GYG1: variants seen among roughly 807,000 people sequenced by gnomAD.
The protein encoded by GYG1 is glycogenin-1.
A neutral mutation model predicts 41.9 loss-of-function variants in GYG1; 44 were observed. The ratio of observed to expected loss-of-function variants is 1.05; its 90% confidence interval spans 0.83 to 1.35. The LOEUF (loss-of-function observed/expected upper bound fraction) is 1.35, where lower values mean the gene tolerates loss of function less well. Ranked by LOEUF, GYG1 falls within the 40% of genes most tolerant of loss-of-function variation. GYG1 has a pLI of 0.00. For missense variants in GYG1, 429 were observed against 418.9 expected, an observed-to-expected ratio of 1.02 and a Z score of -0.21; for synonymous variants, 141 against 158.1, an observed-to-expected ratio of 0.89 and a Z score of 0.81.
Position 149,027,776 on chromosome 3 carries a change from A to G in GYG1, c.*843A>G, listed in dbSNP as rs1361427577. On this transcript the variant is annotated 3_prime_UTR_variant, in exon 8 of 8. Transcript: ENST00000345003. ...TGGGATATATGCTTTAAAAACTGGT[A>G]TCTATGATTTCAATCTAATTGTTTT... 1 of 152,220 alleles carries G rather than the reference A, an allele frequency of 6.6e-6. No homozygotes were observed. Among genetic ancestry groups the G allele is most frequent in the Non-Finnish European group, 1.5e-5 (1 of 68,046 alleles). 9.4% of individuals were successfully genotyped at this position (152,220 alleles called of 1,614,324 possible).
At chr3:148,991,779 G>T in intron 1 of GYG1, 132 bp downstream of exon 1, 2 of 745,860 alleles carry the variant, frequency 2.7e-6, no homozygotes, top group Non-Finnish European at 4.2e-6. Context: ...TTGCTGGCTG[G>T]CCGCAGCCGG....
chr3:148,996,243 G>A (rs1291085392), intron 2 of GYG1, 59 bp from the exon 3 acceptor site: 4 of 1,228,120 alleles, frequency 3.3e-6, no homozygotes, highest in Middle Eastern at 2.7e-4. Flanking sequence ...TCTTACAGCA[G>A]ATGGGTCACT....
chr3:148,994,231 AGG>A lies in GYG1; in HGVS notation c.98_99del (p.Arg33LysfsTer23). ...GSSLKQHRTT[R>X]RLVVLATPQV... ...ATCTCTGAAACAGCACAGGACCACC[AGG>A]AGGCTGGTCGTGCTCGCCACCCCTC... On this transcript the variant is annotated frameshift_variant, in exon 2 of 8. Coordinates refer to ENST00000345003, the MANE Select transcript of GYG1 (RefSeq NM_004130.4). LOFTEE classifies it high-confidence loss of function. The A allele has an allele frequency of 2.7e-5, 44 of 1,614,044 alleles. No homozygotes were observed. Among genetic ancestry groups the A allele is most frequent in the Non-Finnish European group, 3.6e-5 (43 of 1,179,924 alleles).
At chr3:149,016,880 G>C (rs1411331013) in intron 5 of GYG1, among the ~76,000 whole-genome samples, 1 of 152,196 alleles carries the variant, frequency 6.6e-6, no homozygotes, top group Non-Finnish European at 1.5e-5. Context: ...AGTCTGAGAA[G>C]GTGCATGAGT....
chr3:148,994,134 G>A lies in GYG1; in HGVS notation c.8-8G>A. 6.2e-7 allele frequency: 1 copy of A among 1,601,876 alleles called. No individual in the cohort carries two copies. Among genetic ancestry groups the A allele is most frequent in the Non-Finnish European group, 8.5e-7 (1 of 1,174,028 alleles). On this transcript the variant is annotated splice_region_variant and splice_polypyrimidine_tract_variant and intron_variant, in intron 1 of 7. Transcript: ENST00000345003. ...TGTAATGAGTGTTTTTTTTTTCTTT[G>A]TATTAAGATCAGGCCTTTGTGACAC...
In GYG1 at chr3:149,031,596, T is replaced by C. The variant is rs1266293005; in HGVS notation, c.*4663T>C. Reference sequence around the variant, plus strand: ...ACTAAAATGGAAAAAATAGTACTCTTAACATAATCCCTAATTTTTTCATGA... The same window carrying C: ...ACTAAAATGGAAAAAATAGTACTCTCAACATAATCCCTAATTTTTTCATGA... On this transcript the variant is annotated 3_prime_UTR_variant, in exon 8 of 8. Coordinates refer to ENST00000345003, the MANE Select transcript of GYG1 (RefSeq NM_004130.4). 2.0e-5 allele frequency: 3 copies of C among 152,422 alleles called. No individual in the cohort carries two copies. The highest frequency in any genetic ancestry group is 2.9e-5 in the Non-Finnish European group (2 of 68,030). The allele number at this position is 152,422 out of a possible 1,614,324, so 9.4% of individuals were successfully genotyped here. A position where few individuals can be genotyped will look rare whatever the true frequency, so the allele number is the denominator to read the frequency against.
intron 5 of GYG1, among the ~76,000 whole-genome samples, chr3:149,014,380 A>C (rs1360617090): frequency 6.6e-6 from 1 of 152,160 alleles, no homozygotes; most frequent in African/African-American, 2.4e-5. Flanking sequence ...AATAGCAAAA[A>C]GGGCACAAGG....
intron 2 of GYG1, among the ~76,000 whole-genome samples, chr3:148,994,685 A>G (rs901306957): frequency 1.3e-5 from 2 of 152,204 alleles, no homozygotes; most frequent in Non-Finnish European, 2.9e-5. Context: ...CAAACTAGGG[A>G]AACTCTCAGG....
chr3:149,004,022 C>CT (rs1255200515), intron 4 of GYG1: 16 of 152,208 alleles, frequency 1.1e-4, no homozygotes, highest in Admixed American at 2.6e-4. Flanking sequence ...CTCAGAAGAC[C>CT]TAGAAAGTAC....
Position 148,996,398 on chromosome 3 carries a change from G to A in GYG1, c.240G>A (p.Leu80=). Residue 80 remains leucine, a synonymous_variant, in exon 3 of 8, where the codon TTG becomes TTA. Coordinates refer to ENST00000345003, the MANE Select transcript of GYG1 (RefSeq NM_004130.4). ...AHLTLMKRPE[L]GVTLTKLHCW... ...TAACCTTAATGAAGAGGCCAGAGTTGGGTGTCACGCTGACAAAGCTCCACT... is the reference window on the plus strand; with the variant it reads ...TAACCTTAATGAAGAGGCCAGAGTTAGGTGTCACGCTGACAAAGCTCCACT... 1 of 1,613,282 alleles carries A rather than the reference G, an allele frequency of 6.2e-7. No individual in the cohort carries two copies. Among genetic ancestry groups the A allele is most frequent in the East Asian group, 2.2e-5 (1 of 44,878 alleles).
chr3:149,001,051 GTAGT>G (rs1371826808), intron 4 of GYG1: 5 of 152,162 alleles, frequency 3.3e-5, no homozygotes, highest in Non-Finnish European at 5.9e-5. Context: ...TAAAATCTTT[GTAGT>G]TAATTAGGCT....
At chr3:149,016,277 CAAAA>C (rs1306187346) in intron 5 of GYG1, among the ~76,000 whole-genome samples, 8 of 99,770 alleles carry the variant, frequency 8.0e-5, no homozygotes, top group East Asian at 5.9e-4. Flanking sequence ...AAAAAAAAAA[CAAAA>C]AAGAAAAAAA....
intron 4 of GYG1, among the ~76,000 whole-genome samples, chr3:149,005,143 G>A (rs935377070): frequency 1.3e-5 from 2 of 151,980 alleles, no homozygotes; most frequent in African/African-American, 4.8e-5. Flanking sequence ...AATGTGTAGA[G>A]TTTTATTATT....
intron 5 of GYG1, among the ~76,000 whole-genome samples, chr3:149,016,406 CAAT>C (rs1159106878): frequency 6.6e-6 from 1 of 152,056 alleles, no homozygotes; most frequent in Non-Finnish European, 1.5e-5. Context: ...AGCAATCAGC[CAAT>C]AGAGGCTAAG....
intron 5 of GYG1, among the ~76,000 whole-genome samples, chr3:149,020,582 CAT>C (rs1248150886): frequency 6.6e-6 from 1 of 152,234 alleles, no homozygotes; most frequent in Non-Finnish European, 1.5e-5. Flanking sequence ...ATGCCTGCGA[CAT>C]ATGAATACTT....
chr3:148,995,583 A>G (rs368236827), intron 2 of GYG1, among the ~76,000 whole-genome samples: 30 of 152,290 alleles, frequency 2.0e-4, no homozygotes, highest in African/African-American at 7.2e-4. Flanking sequence ...TCCTGTAACC[A>G]CCATCAGTTG....
intron 2 of GYG1, among the ~76,000 whole-genome samples, chr3:148,995,557 G>C (rs1164225323): frequency 6.6e-6 from 1 of 152,160 alleles, no homozygotes; most frequent in African/African-American, 2.4e-5. Flanking sequence ...TAAGAAACCA[G>C]ATCTAGTCTT....
intron 5 of GYG1, among the ~76,000 whole-genome samples, chr3:149,020,703 T>C (rs957146281): frequency 5.3e-5 from 8 of 152,242 alleles, no homozygotes; most frequent in African/African-American, 1.9e-4. Flanking sequence ...TTTTAACTTA[T>C]TTTAATTAGT....
At chr3:149,008,748 T>C (rs754149159) in intron 4 of GYG1, 14 of 166,726 alleles carry the variant, frequency 8.4e-5, no homozygotes, top group Non-Finnish European at 1.6e-4. Context: ...CTGCAATGCC[T>C]AGTACAGTAT....
Sources: gnomAD v4.1 joint callset for allele counts (sites outside exome capture counted in the v4.1 genomes callset) on GRCh38, gnomAD v4.1.1 for gene constraint, MANE v1.5 for transcripts, NCBI Gene and HGNC (gene_info 2026-07-23, HGNC 2026-07-21) for gene names.